C16orf74: variants seen among roughly 807,000 people sequenced by gnomAD.
C16orf74 encodes the protein calcimembrin, also known as uncharacterized protein C16orf74.
C16orf74 carries 10 observed loss-of-function variants against 6.5 expected under a neutral mutation model. The ratio of observed to expected loss-of-function variants is 1.54; its 90% CI spans 0.95 to 2.61. C16orf74 has a LOEUF of 2.61. Ranked by LOEUF, C16orf74 falls within the 30% of genes most tolerant of loss-of-function variation. C16orf74 has a pLI of 0.00. For missense variants in C16orf74, 141 were observed against 105.9 expected (o/e 1.33, Z -1.45); for synonymous variants, 60 against 42.5 (o/e 1.41, Z -1.60).
chr16:85,734,648 G>A (rs2054224673), intron 2 of C16orf74, among the ~76,000 whole-genome samples: 1 of 152,214 alleles, frequency 6.6e-6, no homozygotes, highest in Admixed American at 6.5e-5. Flanking sequence ...ATGGACTTGG[G>A]ATGGGAGGTT....
At chr16:85,718,038 G>A (rs929608308) in intron 2 of C16orf74, among the ~76,000 whole-genome samples, 1 of 152,360 alleles carries the variant, frequency 6.6e-6, no homozygotes, top group South Asian at 2.1e-4. Flanking sequence ...ACAGGAGCAA[G>A]CGTGGGCATC....
intron 1 of C16orf74, among the ~76,000 whole-genome samples, chr16:85,741,066 G>C (rs1382094138): frequency 6.6e-6 from 1 of 152,134 alleles, no homozygotes; most frequent in East Asian, 1.9e-4. Context: ...TCAAGAAAAA[G>C]GCTTAAAAAG....
intron 2 of C16orf74, among the ~76,000 whole-genome samples, chr16:85,715,257 T>G (rs2054011984): frequency 6.6e-6 from 1 of 151,440 alleles, no homozygotes; most frequent in African/African-American, 2.4e-5. Flanking sequence ...GAGGCGCCCC[T>G]ACCCCAAACA....
intron 2 of C16orf74, among the ~76,000 whole-genome samples, chr16:85,711,337 G>A (rs2053967786): frequency 6.9e-6 from 1 of 144,244 alleles, no homozygotes; most frequent in East Asian, 2.0e-4. Flanking sequence ...AAAAAAGGCT[G>A]GGCGTGGTGG....
intron 2 of C16orf74, among the ~76,000 whole-genome samples, chr16:85,717,406 T>C (rs1377213027): frequency 6.6e-6 from 1 of 152,192 alleles, no homozygotes; most frequent in African/African-American, 2.4e-5. Flanking sequence ...CAGCCAGGGA[T>C]GGGAACCCCT....
chr16:85,712,320 A>G (rs2053978316), intron 2 of C16orf74, among the ~76,000 whole-genome samples: 1 of 152,230 alleles, frequency 6.6e-6, no homozygotes, highest in Non-Finnish European at 1.5e-5. Flanking sequence ...ACTCTGAGAT[A>G]ATAAAGGTTT....
chr16:85,712,545 G>A (rs1360146871), intron 2 of C16orf74, among the ~76,000 whole-genome samples: 2 of 152,272 alleles, frequency 1.3e-5, no homozygotes, highest in African/African-American at 2.4e-5. Context: ...GGGCTGTCAG[G>A]GATGATCTGT....
chr16:85,726,463 A>ACAAAGACCCCTGGAACATGGCGGTGG (rs1218297429), intron 2 of C16orf74, among the ~76,000 whole-genome samples: 6 of 152,308 alleles, frequency 3.9e-5, no homozygotes, highest in Admixed American at 2.6e-4. Flanking sequence ...AGCAGAGTAG[A>ACAAAGACCCCTGGAACATGGCGGTGG]CAAAGACCCC....
chr16:85,744,756 C>G (rs540267691), intron 1 of C16orf74, among the ~76,000 whole-genome samples: 36 of 140,174 alleles, frequency 2.6e-4, no homozygotes, highest in African/African-American at 8.9e-4. Context: ...TGTCAGCCCA[C>G]GAGGCAGAGC....
intron 1 of C16orf74, among the ~76,000 whole-genome samples, chr16:85,738,989 C>A (rs909427235): frequency 6.6e-6 from 1 of 152,032 alleles, no homozygotes; most frequent in African/African-American, 2.4e-5. Flanking sequence ...ACTCTAGAGC[C>A]CACGCTTTTA....
At chr16:85,739,146 A>C (rs1160738485) in intron 1 of C16orf74, among the ~76,000 whole-genome samples, 1 of 110,532 alleles carries the variant, frequency 9.0e-6, no homozygotes, top group Non-Finnish European at 1.8e-5. Flanking sequence ...GGGGTCCTGC[A>C]GCCCTGACGT....
intron 2 of C16orf74, among the ~76,000 whole-genome samples, chr16:85,727,720 G>A (rs1414080771): frequency 6.6e-6 from 1 of 151,614 alleles, no homozygotes; most frequent in East Asian, 1.9e-4. Flanking sequence ...AGGCTGAGGT[G>A]GGAGAATCGC....
chr16:85,716,902 T>A (rs2054030878), intron 2 of C16orf74, among the ~76,000 whole-genome samples: 1 of 152,108 alleles, frequency 6.6e-6, no homozygotes. Context: ...AAGGCCAGAA[T>A]TGTTATTTGT....
chr16:85,749,850 G>A (rs1483243983), intron 1 of C16orf74, among the ~76,000 whole-genome samples: 2 of 152,240 alleles, frequency 1.3e-5, no homozygotes, highest in East Asian at 1.9e-4. Flanking sequence ...ACGAGATTAG[G>A]TGGTGAGCTT....
At chr16:85,731,575 C>A (rs2054187956) in intron 2 of C16orf74, among the ~76,000 whole-genome samples, 1 of 152,204 alleles carries the variant, frequency 6.6e-6, no homozygotes, top group African/African-American at 2.4e-5. Flanking sequence ...GTTGAGGCCC[C>A]AGGGAGTGAG....
At chr16:85,737,343 C>G (rs538969158) in intron 1 of C16orf74, among the ~76,000 whole-genome samples, 1 of 152,292 alleles carries the variant, frequency 6.6e-6, no homozygotes, top group East Asian at 1.9e-4. Flanking sequence ...AACCTGCATC[C>G]ACACTACAGC....
chr16:85,732,392 G>A (rs1485644586), intron 2 of C16orf74, among the ~76,000 whole-genome samples: 2 of 152,166 alleles, frequency 1.3e-5, no homozygotes, highest in Non-Finnish European at 2.9e-5. Flanking sequence ...TGGGCCAGGT[G>A]TGGTGGCTCA....
chr16:85,742,471 T>C (rs755388157), intron 1 of C16orf74, among the ~76,000 whole-genome samples: 3 of 152,126 alleles, frequency 2.0e-5, no homozygotes, highest in Non-Finnish European at 4.4e-5. Flanking sequence ...CCGCCTTGAG[T>C]GGAAGCAGCC....
chr16:85,733,466 C>G (rs79508624), intron 2 of C16orf74, among the ~76,000 whole-genome samples: 1 of 152,120 alleles, frequency 6.6e-6, no homozygotes, highest in African/African-American at 2.4e-5. Context: ...ATTCTGAAGA[C>G]GGGTGGGGTG....
Sources: gnomAD v4.1 joint callset for allele counts (sites outside exome capture counted in the v4.1 genomes callset) on GRCh38, gnomAD v4.1.1 for gene constraint, MANE v1.5 for transcripts, NCBI Gene and HGNC (gene_info 2026-07-23, HGNC 2026-07-21) for gene names.